NTN4: variants seen among roughly 807,000 people sequenced by gnomAD.
NTN4 encodes the protein netrin 4.
Under a neutral mutation model 73.6 loss-of-function variants are expected in NTN4, and 32 were observed. That is an observed-to-expected ratio of 0.44 (90% confidence interval 0.33 to 0.58). NTN4 has a LOEUF of 0.58. NTN4 is among the 20% of genes least tolerant of loss of function. The pLI is 0.04. For synonymous variants in NTN4, 258 were observed against 287.5 expected (o/e 0.90, Z 1.04); for missense variants, 654 against 798.3 (o/e 0.82, Z 2.18).
rs773853528 is a variant in NTN4 at position 95,787,357 on chromosome 12, T to C, written c.167A>G (p.Asn56Ser). 3 of 1,614,200 alleles carry C rather than the reference T, an allele frequency of 1.9e-6. No homozygotes were observed. The highest frequency in any genetic ancestry group is 2.5e-6 in the Non-Finnish European group (3 of 1,180,038). The change falls in exon 2 of 10, where the codon AAT becomes AGT. Residue 56 changes from asparagine (N) to serine (S), a missense_variant. Coordinates refer to ENST00000343702, the MANE Select transcript of NTN4 (RefSeq NM_021229.4). ...GTAGAAGCAGTACAGTTCGGTAGCATTCTGACCGCAGGTGGTGTCTGCCCA... is the reference window on the plus strand; with the variant it reads ...GTAGAAGCAGTACAGTTCGGTAGCACTCTGACCGCAGGTGGTGTCTGCCCA... ...KLWADTTCGQ[N>S]ATELYCFYSE...
intron 5 of NTN4, among the ~76,000 whole-genome samples, chr12:95,696,942 G>A (rs1020888549): frequency 2.4e-4 from 37 of 152,126 alleles, no homozygotes; most frequent in African/African-American, 7.0e-4. Context: ...GGTTGAGGCC[G>A]GAGGTTCACT....
intron 4 of NTN4, 126 bp downstream of exon 4, chr12:95,713,084 CTA>C: frequency 9.2e-7 from 1 of 1,091,234 alleles, no homozygotes; most frequent in South Asian, 1.9e-5. Flanking sequence ...AGTGATATGG[CTA>C]TGTTTGTGTA....
In NTN4 at chr12:95,787,070, T is replaced by C. The variant is rs1338538765; in HGVS notation, c.454A>G (p.Lys152Glu). The C allele has an allele frequency of 1.2e-6, 2 of 1,614,212 alleles. No individual in the cohort carries two copies. The highest frequency in any genetic ancestry group is 1.7e-6 in the Non-Finnish European group (2 of 1,180,040). Residue 152 changes from lysine to glutamate, a missense_variant, in exon 2 of 10, where the codon AAA (lysine) becomes GAA (glutamate). Transcript: ENST00000343702. ...MVLDRSQDFG[K>E]TWKPYKYFAT... ...AAGTACTTATAAGGCTTCCATGTTT[T>C]CCCAAAGTCCTGGGAGCGGTCCAGC...
intron 8 of NTN4, among the ~76,000 whole-genome samples, chr12:95,666,285 G>T (rs2078179103): frequency 6.6e-6 from 1 of 152,094 alleles, no homozygotes; most frequent in South Asian, 2.1e-4. Flanking sequence ...GAAGAGAGGG[G>T]ATAAGGGATA....
chr12:95,762,511 T>C (rs2078995589), intron 2 of NTN4, among the ~76,000 whole-genome samples: 1 of 152,318 alleles, frequency 6.6e-6, no homozygotes, highest in South Asian at 2.1e-4. Context: ...AAGAGTTGAA[T>C]TAAGAAAGAG....
At chr12:95,713,446 C>T (rs1392243008) in intron 3 of NTN4, 108 bp from the exon 4 acceptor site, 4 of 1,259,572 alleles carry the variant, frequency 3.2e-6, no homozygotes, top group Admixed American at 2.7e-5. Context: ...ATAAGATGTT[C>T]ATTCACTTTC....
Position 95,787,095 on chromosome 12 carries a change from C to T in NTN4, c.429G>A (p.Val143=), listed in dbSNP as rs2079173387. ...MFKSPRPAAM[V]LDRSQDFGKT... is the part of the protein sequence containing the mutation. ...TCCCAAAGTCCTGGGAGCGGTCCAG[C>T]ACCATGGCAGCCGGCCTGGGGGACT... Residue 143 remains valine, a synonymous_variant, in exon 2 of 10, where the codon GTG becomes GTA. Transcript: ENST00000343702. 1.9e-6 allele frequency: 3 copies of T among 1,614,122 alleles called. No individual in the cohort carries two copies. The highest frequency in any genetic ancestry group is 1.3e-5 in the African/African-American group (1 of 74,940).
intron 7 of NTN4, among the ~76,000 whole-genome samples, chr12:95,682,057 C>CTTTTTTTTTTTTTTTTTTTTTTTTT (rs557973212): frequency 3.1e-5 from 2 of 64,546 alleles, no homozygotes; most frequent in Non-Finnish European, 5.2e-5. Flanking sequence ...ATTCAGTAGG[C>CTTTTTTTTTTTTTTTTTTTTTTTTT]TTTTTTTTTT....
At position 95,730,831 on chromosome 12, in the gene NTN4, A is replaced by G. The variant is rs566421313; in HGVS notation, c.864+7035T>C. On this transcript the variant is annotated intron_variant, in intron 3 of 9. Transcript: ENST00000343702. ...AATTGGCAAGCTTTACATTTTGTTA[A>G]TATTAGGAATATGTTGCACTCCTTT... Among the ~76,000 whole-genome samples, 6 of 152,296 alleles carry G rather than the reference A, an allele frequency of 3.9e-5. No individual in the cohort carries two copies. In the South Asian group the frequency reaches 1.2e-3, roughly 32 times the overall value.
At chr12:95,749,300 C>T (rs1036768683) in intron 2 of NTN4, among the ~76,000 whole-genome samples, 2 of 152,186 alleles carry the variant, frequency 1.3e-5, no homozygotes, top group African/African-American at 4.8e-5. Flanking sequence ...TGCTGTGACT[C>T]GAATTGGGGG....
At chr12:95,663,722 T>C (rs542306957) in intron 9 of NTN4, 5 of 152,378 alleles carry the variant, frequency 3.3e-5, no homozygotes, top group South Asian at 2.1e-4. Context: ...CAAGTAAACA[T>C]GTTTTCAAGA....
At chr12:95,739,237 G>A (rs1288179464) in intron 2 of NTN4, among the ~76,000 whole-genome samples, 1 of 151,890 alleles carries the variant, frequency 6.6e-6, no homozygotes, top group Non-Finnish European at 1.5e-5. Flanking sequence ...CCTTATGTCG[G>A]GTCTAAATTC....
chr12:95,732,396 C>CTTTTTTTT (rs35575824), intron 3 of NTN4, among the ~76,000 whole-genome samples: 1 of 112,842 alleles, frequency 8.9e-6, no homozygotes, highest in South Asian at 3.0e-4. Flanking sequence ...CTTTCTTCCT[C>CTTTTTTTT]TTTTTTTTTT....
chr12:95,776,425 C>T (rs985508645), intron 2 of NTN4, among the ~76,000 whole-genome samples: 23 of 152,212 alleles, frequency 1.5e-4, no homozygotes, highest in African/African-American at 4.8e-4. Flanking sequence ...AAAGATTAGA[C>T]GAATGGCTAA....
chr12:95,716,915 T>A (rs2078609822), intron 3 of NTN4, among the ~76,000 whole-genome samples: 1 of 152,090 alleles, frequency 6.6e-6, no homozygotes, highest in Non-Finnish European at 1.5e-5. Context: ...GCGGAAGTGA[T>A]CCTCCCATCT....
At chr12:95,664,771 C>T (rs1030866419) in intron 9 of NTN4, among the ~76,000 whole-genome samples, 18 of 152,020 alleles carry the variant, frequency 1.2e-4, no homozygotes, top group African/African-American at 4.3e-4. Flanking sequence ...TACCACCATA[C>T]TGGGCTAATT....
At chr12:95,703,027 T>C (rs746812486) in intron 5 of NTN4, among the ~76,000 whole-genome samples, 2 of 152,018 alleles carry the variant, frequency 1.3e-5, no homozygotes, top group Non-Finnish European at 2.9e-5. Flanking sequence ...CTGGCTAATT[T>C]TGTATTTTTA....
At chr12:95,745,576 T>G (rs1212306174) in intron 2 of NTN4, among the ~76,000 whole-genome samples, 1 of 152,204 alleles carries the variant, frequency 6.6e-6, no homozygotes. Context: ...AGAAATACAG[T>G]GATAATAACT....
chr12:95,707,121 G>A (rs1019989695), intron 5 of NTN4, among the ~76,000 whole-genome samples: 2 of 152,154 alleles, frequency 1.3e-5, no homozygotes, highest in African/African-American at 4.8e-5. Context: ...ACAGTCTTTT[G>A]AAAACTAAGT....
Sources: gnomAD v4.1 joint callset for allele counts (sites outside exome capture counted in the v4.1 genomes callset) on GRCh38, gnomAD v4.1.1 for gene constraint, MANE v1.5 for transcripts, NCBI Gene and HGNC (gene_info 2026-07-23, HGNC 2026-07-21) for gene names.